Variants in CTDSPL observed in about 807,000 individuals in gnomAD.
CTDSPL encodes the protein CTD small phosphatase-like protein.
A neutral mutation model predicts 30.5 loss-of-function variants in CTDSPL; 8 were observed. The ratio of observed to expected loss-of-function variants is 0.26; its 90% CI spans 0.15 to 0.47. CTDSPL has a LOEUF of 0.47. CTDSPL is among the 20% of genes least tolerant of loss of function. The pLI, the probability that CTDSPL is intolerant of heterozygous loss-of-function variation, is 0.99. For synonymous variants in CTDSPL, 110 were observed against 137.9 expected, an observed-to-expected ratio of 0.80 and a Z score of 1.42; for missense variants, 248 against 366.1, an observed-to-expected ratio of 0.68 and a Z score of 2.63.
chr3:37,978,577 C>T (rs533865186), intron 7 of CTDSPL, among the ~76,000 whole-genome samples: 4 of 152,272 alleles, frequency 2.6e-5, no homozygotes, highest in East Asian at 1.9e-4. Context: ...ACCTGGCACA[C>T]GAGGTCAAGT....
intron 3 of CTDSPL, among the ~76,000 whole-genome samples, chr3:37,959,064 C>T (rs1417478370): frequency 2.0e-5 from 3 of 152,166 alleles, no homozygotes; most frequent in Admixed American, 2.0e-4. Context: ...GGGTGCCATA[C>T]ATAGGAGCAG....
At position 37,894,225 on chromosome 3, in the gene CTDSPL, G is replaced by A. The variant is rs368274158; in HGVS notation, c.79+31947G>A. ...GCCTCTCGAGTAGCTCGGACTACAG[G>A]CACACACCACCTTATCCAGCTAACT... is the stretch of plus-strand genomic sequence containing the variant. On this transcript the variant is annotated intron_variant, in intron 1 of 7. Coordinates refer to ENST00000273179, the MANE Select transcript of CTDSPL (RefSeq NM_001008392.2). 1.3e-3 allele frequency among the ~76,000 whole-genome samples: 201 copies of A among 152,100 alleles called. 1 individual carries two copies. Among genetic ancestry groups the A allele is most frequent in the African/African-American group, 4.6e-3 (192 of 41,472 alleles).
intron 1 of CTDSPL, among the ~76,000 whole-genome samples, chr3:37,892,927 A>G (rs1698344967): frequency 6.6e-6 from 1 of 152,180 alleles, no homozygotes; most frequent in Non-Finnish European, 1.5e-5. Context: ...TTTAGGGAAA[A>G]GAGTTTGAGA....
intron 1 of CTDSPL, among the ~76,000 whole-genome samples, chr3:37,938,732 G>A (rs889531097): frequency 6.7e-6 from 1 of 148,558 alleles, no homozygotes; most frequent in Admixed American, 6.8e-5. Flanking sequence ...CCAGGCTGGA[G>A]TGCAGTGGCG....
At chr3:37,907,484 C>T (rs1698531948) in intron 1 of CTDSPL, among the ~76,000 whole-genome samples, 2 of 152,104 alleles carry the variant, frequency 1.3e-5, no homozygotes, top group Non-Finnish European at 2.9e-5. Context: ...TCATTTGACA[C>T]TGTTGATATT....
chr3:37,922,412 G>A (rs1390166828), intron 1 of CTDSPL, among the ~76,000 whole-genome samples: 1 of 152,146 alleles, frequency 6.6e-6, no homozygotes, highest in Admixed American at 6.5e-5. Flanking sequence ...GACCTGGGAA[G>A]CAGTACGCTG....
chr3:37,880,092 A>G (rs1398577439), intron 1 of CTDSPL, among the ~76,000 whole-genome samples: 1 of 149,408 alleles, frequency 6.7e-6, no homozygotes, highest in Non-Finnish European at 1.5e-5. Flanking sequence ...TCATGTTTTT[A>G]TGACTACAGT....
At chr3:37,967,146 C>T (rs1699307521) in intron 4 of CTDSPL, among the ~76,000 whole-genome samples, 2 of 152,206 alleles carry the variant, frequency 1.3e-5, no homozygotes, top group African/African-American at 4.8e-5. Context: ...TACCCCCACC[C>T]AAGGCAGGAG....
rs1575329288 is a variant in CTDSPL at position 37,982,857 on chromosome 3, G to A, written c.*1990G>A. 1.4e-5 allele frequency: 5 copies of A among 356,426 alleles called. No homozygotes were observed. The highest frequency in any genetic ancestry group is 2.2e-5 in the Non-Finnish European group (4 of 179,468). 22.1% of individuals were successfully genotyped at this position (356,426 alleles called of 1,614,324 possible). A position where few individuals can be genotyped will look rare whatever the true frequency, so the allele number is the denominator to read the frequency against. ...AATGTCTTGAATGTTGCAGTCAAGTGTCTGTCATGTGTTGATATCCACACA... is the reference window on the plus strand; with the variant it reads ...AATGTCTTGAATGTTGCAGTCAAGTATCTGTCATGTGTTGATATCCACACA... On this transcript the variant is annotated 3_prime_UTR_variant, in exon 8 of 8. Transcript: ENST00000273179.
In CTDSPL at chr3:37,862,326, C is replaced by G. The variant is rs1249781444; in HGVS notation, c.79+48C>G. On this transcript the variant is annotated intron_variant, in intron 1 of 7. Coordinates refer to ENST00000273179, the MANE Select transcript of CTDSPL (RefSeq NM_001008392.2). This position sits in a 1 kb window ranked among gnomAD's most constrained non-coding sequence, Gnocchi z 4.3. ...GCGGGCTGGGGGCGAGCGCACACCC[C>G]GCGCCGCTGGAGTTCACTGCCGGGC... The G allele has an allele frequency of 1.4e-6, 2 of 1,413,278 alleles. No individual in the cohort carries two copies. The highest frequency in any genetic ancestry group is 9.2e-7 in the Non-Finnish European group (1 of 1,082,762). 87.5% of individuals were successfully genotyped at this position (1,413,278 alleles called of 1,614,324 possible).
intron 1 of CTDSPL, among the ~76,000 whole-genome samples, chr3:37,891,435 G>A (rs939505268): frequency 5.3e-5 from 8 of 152,204 alleles, no homozygotes; most frequent in African/African-American, 1.9e-4. Context: ...CTACGCACAG[G>A]TGTGCAGGGC....
chr3:37,957,993 A>C (rs1188930613), intron 3 of CTDSPL, among the ~76,000 whole-genome samples: 1 of 152,222 alleles, frequency 6.6e-6, no homozygotes, highest in African/African-American at 2.4e-5. Flanking sequence ...ATGTGTCTAT[A>C]AATTAATTTT....
chr3:37,863,858 G>T (rs1697975226), intron 1 of CTDSPL, among the ~76,000 whole-genome samples: 1 of 152,226 alleles, frequency 6.6e-6, no homozygotes, highest in African/African-American at 2.4e-5. Context: ...TGTGTCTGCA[G>T]ACTGGATTTC....
chr3:37,923,190 A>G (rs537031132), intron 1 of CTDSPL, among the ~76,000 whole-genome samples: 1 of 152,262 alleles, frequency 6.6e-6, no homozygotes, highest in East Asian at 1.9e-4. Context: ...TGCTGAGCAT[A>G]TGGGGAGAAG....
chr3:37,864,918 TACCTCTGGGGTGTG>T (rs1559619409), intron 1 of CTDSPL, among the ~76,000 whole-genome samples: 2 of 152,164 alleles, frequency 1.3e-5, no homozygotes, highest in African/African-American at 4.8e-5. Context: ...TAGTAATGAC[TACCTCTGGGGTGTG>T]ACCTGAGGGT....
At chr3:37,865,849 T>C (rs902412362) in intron 1 of CTDSPL, among the ~76,000 whole-genome samples, 3 of 152,118 alleles carry the variant, frequency 2.0e-5, no homozygotes, top group Non-Finnish European at 2.9e-5. Context: ...TGCTGATGTT[T>C]AATTGGCCAG....
At chr3:37,871,071 A>G (rs1698066151) in intron 1 of CTDSPL, among the ~76,000 whole-genome samples, 1 of 152,202 alleles carries the variant, frequency 6.6e-6, no homozygotes, top group Non-Finnish European at 1.5e-5. Context: ...TATACAGAAT[A>G]ATTTCATTGC....
chr3:37,914,873 C>CTTATTTTTTTTTTTTTTTTTT, intron 1 of CTDSPL, among the ~76,000 whole-genome samples: 1 of 51,284 alleles, frequency 1.9e-5, no homozygotes, highest in Admixed American at 3.0e-4. Context: ...TATATATGTT[C>CTTATTTTTTTTTTTTTTTTTT]TTTTTTTTTT....
chr3:37,948,240 C>T (rs554794030), intron 2 of CTDSPL, among the ~76,000 whole-genome samples: 36 of 152,026 alleles, frequency 2.4e-4, no homozygotes, highest in Non-Finnish European at 4.3e-4. Flanking sequence ...GCCAAGATCA[C>T]GCCACTGCAC....
Sources: gnomAD v4.1 joint callset for allele counts (sites outside exome capture counted in the v4.1 genomes callset) on GRCh38, gnomAD v4.1.1 for gene constraint, Gnocchi (gnomAD v3.1) non-coding constraint, MANE v1.5 for transcripts, NCBI Gene and HGNC (gene_info 2026-07-23, HGNC 2026-07-21) for gene names.